SLC47A1: variants seen among roughly 807,000 people sequenced by gnomAD.
SLC47A1 encodes solute carrier family 47 member 1.
Under a neutral mutation model 65.8 loss-of-function variants are expected in SLC47A1, and 58 were observed. The ratio of observed to expected loss-of-function variants is 0.88; its 90% CI spans 0.71 to 1.10. SLC47A1 has a LOEUF of 1.10. SLC47A1 is among the 50% of genes least tolerant of loss of function. The probability of loss-of-function intolerance (pLI) is 0.00; values close to 1 mark genes in which losing one functional copy is unlikely to be tolerated. For synonymous variants in SLC47A1, 285 were observed against 295.0 expected (o/e 0.97, Z 0.35); for missense variants, 706 against 719.2 (o/e 0.98, Z 0.21).
chr17:19,575,921 C>G (rs2084436146), intron 16 of SLC47A1, among the ~76,000 whole-genome samples: 1 of 152,016 alleles, frequency 6.6e-6, no homozygotes, highest in Non-Finnish European at 1.5e-5. Context: ...CCCAGTGAGG[C>G]CCAACACTCA....
At chr17:19,557,143 GAT>G (rs1418230651) in intron 10 of SLC47A1, 1 of 152,434 alleles carries the variant, frequency 6.6e-6, no homozygotes, top group Non-Finnish European at 1.5e-5. Context: ...CAAGCCAGCA[GAT>G]ATGCTTGGCA....
In SLC47A1 at chr17:19,562,947, C is replaced by T. The variant is rs868181644; in HGVS notation, c.1106+2454C>T. On this transcript the variant is annotated intron_variant, in intron 12 of 16. Coordinates refer to ENST00000270570, the MANE Select transcript of SLC47A1 (RefSeq NM_018242.3). Reference sequence around the variant, plus strand: ...GGCACCTCTAACAAATAAAGGGGGACGTTACTACTAAACACAATCATTTTT... The same window carrying T: ...GGCACCTCTAACAAATAAAGGGGGATGTTACTACTAAACACAATCATTTTT... Among the ~76,000 whole-genome samples the T allele has an allele frequency of 4.6e-5, 7 of 152,024 alleles. No homozygotes were observed. In the South Asian group the frequency reaches 1.0e-3, roughly 23 times the overall value.
Position 19,542,510 on chromosome 17 carries a change from C to A in SLC47A1, c.237+16C>A. Reference sequence around the variant, plus strand: ...GGCAATCGCGGTACGTGTGGGCTTTCTGGCAGGTTTACCAACACTGTCTGT... The same window carrying A: ...GGCAATCGCGGTACGTGTGGGCTTTATGGCAGGTTTACCAACACTGTCTGT... On this transcript the variant is annotated intron_variant, in intron 2 of 16. Coordinates refer to ENST00000270570, the MANE Select transcript of SLC47A1 (RefSeq NM_018242.3). 6.3e-7 allele frequency: 1 copy of A among 1,593,664 alleles called. No homozygotes were observed. The highest frequency in any genetic ancestry group is 8.5e-7 in the Non-Finnish European group (1 of 1,170,900).
At chr17:19,576,843 G>T (rs552159192) in intron 16 of SLC47A1, among the ~76,000 whole-genome samples, 183 of 152,066 alleles carry the variant, frequency 1.2e-3, no homozygotes, top group Non-Finnish European at 1.6e-3. Context: ...GGGTTCAAGC[G>T]ATTCTCCTGC....
intron 12 of SLC47A1, among the ~76,000 whole-genome samples, chr17:19,563,541 T>G (rs1177685034): frequency 6.6e-6 from 1 of 151,844 alleles, no homozygotes; most frequent in East Asian, 1.9e-4. Context: ...AAACAGAAAA[T>G]TTCAGAGCAC....
rs751895731 is a variant in SLC47A1, at chr17:19,572,827, G to GAATTCTGC, written c.1453_1460dup (p.Leu488IlefsTer21). 4 of 1,614,164 alleles carry GAATTCTGC rather than the reference G, an allele frequency of 2.5e-6. No individual in the cohort carries two copies. In the South Asian group the frequency reaches 4.4e-5, roughly 18 times the overall value. On this transcript the variant is annotated frameshift_variant, in exon 16 of 17. Coordinates refer to ENST00000270570, the MANE Select transcript of SLC47A1 (RefSeq NM_018242.3). LOFTEE classifies it low-confidence loss of function (END_TRUNC). The stretch of plus-strand genomic sequence containing the variant: ...AAGTAAACAACGTGCCTCGGAGTGG[G>GAATTCTGC]AATTCTGCTCTCCCTCAGGATCCGC...
intron 12 of SLC47A1, 55 bp from the exon 13 acceptor site, chr17:19,566,735 A>G: frequency 1.3e-6 from 2 of 1,557,416 alleles, no homozygotes; most frequent in Non-Finnish European, 1.8e-6. Context: ...AGAAAGCTAT[A>G]TACTTCTTTC....
chr17:19,574,627 A>G (rs930162799), intron 16 of SLC47A1, among the ~76,000 whole-genome samples: 2 of 152,174 alleles, frequency 1.3e-5, no homozygotes, highest in Admixed American at 1.3e-4. Flanking sequence ...TCCGCATAAC[A>G]ATAGCACTTA....
At chr17:19,565,995 C>G (rs2084354697) in intron 12 of SLC47A1, among the ~76,000 whole-genome samples, 1 of 152,138 alleles carries the variant, frequency 6.6e-6, no homozygotes, top group Non-Finnish European at 1.5e-5. Flanking sequence ...ATGAAATCAT[C>G]CCTTTGTCCA....
At position 19,567,214 on chromosome 17, in the gene SLC47A1, C is replaced by T. The variant is rs2084365807; in HGVS notation, c.1295C>T (p.Thr432Ile). 3.7e-6 allele frequency: 6 copies of T among 1,614,088 alleles called. No homozygotes were observed. Among genetic ancestry groups the T allele is most frequent in the Non-Finnish European group, 5.1e-6 (6 of 1,180,044 alleles). Reference protein sequence around the residue: ...PIGIALMFATTLGVMGLWSGI... With the variant: ...PIGIALMFATILGVMGLWSGI... ...GGGATCGCGCTGATGTTTGCAACCACACTTGGAGTGATGGGTAAGCTCTAA... is the reference window on the plus strand; with the variant it reads ...GGGATCGCGCTGATGTTTGCAACCATACTTGGAGTGATGGGTAAGCTCTAA... Residue 432 changes from threonine (T) to isoleucine (I), a missense_variant, in exon 14 of 17, where the codon ACA (threonine) becomes ATA (isoleucine). Coordinates refer to ENST00000270570, the MANE Select transcript of SLC47A1 (RefSeq NM_018242.3).
chr17:19,554,672 T>C (rs1916553705), intron 6 of SLC47A1, among the ~76,000 whole-genome samples: 1 of 152,206 alleles, frequency 6.6e-6, no homozygotes, highest in Non-Finnish European at 1.5e-5. Context: ...CTTGGTCTGA[T>C]GTAATTTTAC....
chr17:19,559,584 T>C (rs1204434960), intron 10 of SLC47A1, among the ~76,000 whole-genome samples: 2 of 152,244 alleles, frequency 1.3e-5, no homozygotes, highest in South Asian at 2.1e-4. Flanking sequence ...CAGGCTGGAA[T>C]GTAGTGGCAC....
In SLC47A1 at chr17:19,546,429, T is replaced by C; in HGVS notation, c.238-6T>C. On this transcript the variant is annotated splice_polypyrimidine_tract_variant and splice_region_variant and intron_variant, in intron 2 of 16. Transcript: ENST00000270570. ...TATAGGGCCTTATCTTTGGGTTTAT[T>C]TGCAGGTTATCAATGTCACTGGTGT... The C allele has an allele frequency of 6.2e-7, 1 of 1,613,764 alleles. No individual in the cohort carries two copies. The highest frequency in any genetic ancestry group is 8.5e-7 in the Non-Finnish European group (1 of 1,179,906).
intron 4 of SLC47A1, among the ~76,000 whole-genome samples, chr17:19,548,626 A>C (rs1405002817): frequency 1.3e-5 from 2 of 151,706 alleles, no homozygotes; most frequent in Admixed American, 6.6e-5. Flanking sequence ...CAGGCTCCCG[A>C]GTAGCTGAGA....
intron 6 of SLC47A1, among the ~76,000 whole-genome samples, chr17:19,553,502 C>T (rs935827288): frequency 3.9e-5 from 6 of 151,942 alleles, no homozygotes; most frequent in Admixed American, 1.3e-4. Flanking sequence ...CTTCTGCCTC[C>T]TCCCAATCCT....
chr17:19,555,624 T>C lies in SLC47A1; in HGVS notation c.673T>C (p.Tyr225His), dbSNP rs1916581078. The C allele has an allele frequency of 6.2e-7, 1 of 1,614,216 alleles. No individual in the cohort carries two copies. The highest frequency in any genetic ancestry group is 8.5e-7 in the Non-Finnish European group (1 of 1,180,032). ...GSALANLISQ[Y>H]TLALLLFLYI... Reference sequence around the variant, plus strand: ...TGCACTGGCAAACTTGATTTCCCAGTACACCCTGGCTCTACTCCTCTTTCT... The same window carrying C: ...TGCACTGGCAAACTTGATTTCCCAGCACACCCTGGCTCTACTCCTCTTTCT... The change falls in exon 8 of 17, where the codon TAC (tyrosine) becomes CAC (histidine). Residue 225 changes from tyrosine (Y) to histidine (H), a missense_variant. Tyr to His is a moderately conservative substitution (Grantham distance 83, BLOSUM62 2). Coordinates refer to ENST00000270570, the MANE Select transcript of SLC47A1 (RefSeq NM_018242.3).
At chr17:19,572,669 C>A in intron 15 of SLC47A1, 111 bp from the exon 16 acceptor site, 1 of 918,322 alleles carries the variant, frequency 1.1e-6, no homozygotes, top group South Asian at 1.4e-5. Flanking sequence ...GGAACTTCAG[C>A]TATACATGCC....
rs1292030217 is a variant in SLC47A1 at position 19,560,111 on chromosome 17, G to A, written c.922-77G>A. Reference sequence around the variant, plus strand: ...ACCAAGTTTTCCCACCAGGTGTGAGGCATGAGGCTGCTTCTCTGCACGTGT... The same window carrying A: ...ACCAAGTTTTCCCACCAGGTGTGAGACATGAGGCTGCTTCTCTGCACGTGT... On this transcript the variant is annotated intron_variant, in intron 10 of 16. Coordinates refer to ENST00000270570, the MANE Select transcript of SLC47A1 (RefSeq NM_018242.3). The A allele has an allele frequency of 5.9e-6, 6 of 1,023,386 alleles. No individual in the cohort carries two copies. In the East Asian group the frequency reaches 1.5e-4, roughly 25 times the overall value. 63.4% of individuals were successfully genotyped at this position (1,023,386 alleles called of 1,614,324 possible).
intron 1 of SLC47A1, among the ~76,000 whole-genome samples, chr17:19,538,617 G>T (rs972558033): frequency 6.6e-6 from 1 of 152,260 alleles, no homozygotes; most frequent in Non-Finnish European, 1.5e-5. Flanking sequence ...GTGCTCCAAA[G>T]ACAGTGGCCT....
Sources: allele counts gnomAD v4.1 joint callset (sites outside exome capture counted in the v4.1 genomes callset), GRCh38; gene constraint gnomAD v4.1.1; transcripts MANE v1.5; gene names NCBI Gene and HGNC (gene_info 2026-07-23, HGNC 2026-07-21).